The following PDYN variants were observed in gnomAD, a reference collection of about 807,000 sequenced individuals.
PDYN encodes prodynorphin.
A neutral mutation model predicts 11.4 loss-of-function variants in PDYN; 5 were observed. The observed-to-expected ratio is 0.44, with a 90% CI of 0.23 to 0.92. The LOEUF (loss-of-function observed/expected upper bound fraction) is 0.92. Ranked by LOEUF, PDYN falls within the 40% of genes least tolerant of loss-of-function variation. PDYN has a pLI of 0.24. For synonymous variants in PDYN, 132 were observed against 129.5 expected, an observed-to-expected ratio of 1.02 and a Z score of -0.13; for missense variants, 337 against 317.3, an observed-to-expected ratio of 1.06 and a Z score of -0.47.
chr20:1,980,408 C>T lies in PDYN; in HGVS notation c.680G>A (p.Gly227Asp). 1 of 1,614,170 alleles carries T rather than the reference C, an allele frequency of 6.2e-7. No homozygotes were observed. The highest frequency in any genetic ancestry group is 8.5e-7 in the Non-Finnish European group (1 of 1,180,026). Residue 227 changes from glycine (G) to aspartate (D), a missense_variant, in exon 4 of 4, where the codon GGC (glycine) becomes GAC (aspartate). By Grantham distance (94) the Gly-to-Asp change is moderately conservative (BLOSUM62 -1). Transcript: ENST00000217305. The part of the protein sequence containing the change: ...KLKWDNQKRY[G>D]GFLRRQFKVV... ...CTTGAACTGGCGCCGGAGAAAACCG[C>T]CATAGCGCTTCTGGTTGTCCCACTT... is the stretch of plus-strand genomic sequence containing the variant.
chr20:1,980,654 A>G lies in PDYN; in HGVS notation c.434T>C (p.Leu145Pro), dbSNP rs767470477. ...ATCGTTCAGCTGGGCATCCCTCATC[A>G]GCTCAGACTCTGCTCCCTCCCTAAA... ...DGFREGAESE[L>P]MRDAQLNDGA... Residue 145 changes from leucine to proline, a missense_variant, in exon 4 of 4, where the codon CTG becomes CCG. By Grantham distance (98) the Leu-to-Pro change is moderately conservative. Coordinates refer to ENST00000217305, the MANE Select transcript of PDYN (RefSeq NM_024411.5). 1 of 1,614,142 alleles carries G rather than the reference A, an allele frequency of 6.2e-7. No individual in the cohort carries two copies. Among genetic ancestry groups the G allele is most frequent in the South Asian group, 1.1e-5 (1 of 91,078 alleles).
chr20:1,980,237 G>T lies in PDYN; in HGVS notation c.*86C>A, dbSNP rs1383670103. 3 of 1,295,916 alleles carry T rather than the reference G, an allele frequency of 2.3e-6. No individual in the cohort carries two copies. The highest frequency in any genetic ancestry group is 2.3e-5 in the East Asian group (1 of 43,474). 80.3% of individuals were successfully genotyped at this position (1,295,916 alleles called of 1,614,324 possible). ...AATGCTGAGCTGAGCATGGGGAAGGGGCACATATAAGAGGATGAATGAATG... is the reference window on the plus strand; with the variant it reads ...AATGCTGAGCTGAGCATGGGGAAGGTGCACATATAAGAGGATGAATGAATG... On this transcript the variant is annotated 3_prime_UTR_variant, in exon 4 of 4. Transcript: ENST00000217305.
At chr20:1,982,090 C>G (rs915507240) in intron 3 of PDYN, among the ~76,000 whole-genome samples, 3 of 151,580 alleles carry the variant, frequency 2.0e-5, no homozygotes, top group African/African-American at 7.3e-5. Flanking sequence ...AACCCCGTCT[C>G]TACTAAAAAT....
At position 1,983,026 on chromosome 20, in the gene PDYN, G is replaced by T. The variant is rs146598522; in HGVS notation, c.59C>A (p.Ala20Glu). The T allele has an allele frequency of 1.9e-6, 3 of 1,613,940 alleles. No individual in the cohort carries two copies. Among genetic ancestry groups the T allele is most frequent in the African/African-American group, 1.3e-5 (1 of 75,046 alleles). The change falls in exon 3 of 4, where the codon GCG (alanine) becomes GAG (glutamate). Residue 20 changes from alanine to glutamate, a missense_variant. Transcript: ENST00000217305. ...ACLLMFPSTT[A>E]DCLSRCSLCA... is the part of the protein sequence containing the mutation. ...CAAGGAGCACCGCGACAGGCAGTCC[G>T]CTGTGGTGGAGGGGAACATGAGGAG...
chr20:1,980,189 C>A lies in PDYN; in HGVS notation c.*134G>T. On this transcript the variant is annotated 3_prime_UTR_variant, in exon 4 of 4. Transcript: ENST00000217305. ...TACTCCCACGCAGAAGAGAGATAGG[C>A]TGGGCTTGGATATTTTGTACACAAT... The A allele has an allele frequency of 1.1e-6, 1 of 918,224 alleles. No homozygotes were observed. 56.9% of individuals were successfully genotyped at this position (918,224 alleles called of 1,614,324 possible).
intron 2 of PDYN, among the ~76,000 whole-genome samples, chr20:1,989,500 A>G (rs1485951893): frequency 1.3e-5 from 2 of 152,152 alleles, no homozygotes; most frequent in East Asian, 3.9e-4. Context: ...CTTTTCACCC[A>G]GGGCCCAGAG....
chr20:1,986,364 T>G (rs541797896), intron 2 of PDYN, among the ~76,000 whole-genome samples: 43 of 152,174 alleles, frequency 2.8e-4, no homozygotes, highest in Admixed American at 5.2e-4. Flanking sequence ...TCCCTCCAGG[T>G]GGACCCTCCA....
rs764453022 is a variant in PDYN, at chr20:1,980,407, G to A, written c.681C>T (p.Gly227=). The change falls in exon 4 of 4, where the codon GGC becomes GGT. Residue 227 remains glycine, a synonymous_variant. Transcript: ENST00000217305. ...KLKWDNQKRY[G]GFLRRQFKVV... is the part of the protein sequence containing the mutation. ...CCTTGAACTGGCGCCGGAGAAAACC[G>A]CCATAGCGCTTCTGGTTGTCCCACT... 3 of 1,614,090 alleles carry A rather than the reference G, an allele frequency of 1.9e-6. No homozygotes were observed. Among genetic ancestry groups the A allele is most frequent in the Non-Finnish European group, 2.5e-6 (3 of 1,180,022 alleles).
intron 2 of PDYN, among the ~76,000 whole-genome samples, chr20:1,987,745 C>T (rs535830819): frequency 6.6e-4 from 100 of 152,354 alleles, no homozygotes; most frequent in African/African-American, 2.3e-3. Flanking sequence ...CTTAGCTTTA[C>T]TGTGCCTCAG....
chr20:1,989,436 C>T (rs1280203441), intron 2 of PDYN, among the ~76,000 whole-genome samples: 1 of 152,192 alleles, frequency 6.6e-6, no homozygotes, highest in Non-Finnish European at 1.5e-5. Flanking sequence ...TGGGGTGTAT[C>T]ATCTTCCTGC....
rs1987636808 is a variant in PDYN, at chr20:1,980,145, A to G, written c.*178T>C. 2 of 719,628 alleles carry G rather than the reference A, an allele frequency of 2.8e-6. No homozygotes were observed. Among genetic ancestry groups the G allele is most frequent in the Non-Finnish European group, 4.8e-6 (2 of 414,518 alleles). The allele number at this position is 719,628 out of a possible 1,614,324, so 44.6% of individuals were successfully genotyped here. A position where few individuals can be genotyped will look rare whatever the true frequency, so the allele number is the denominator to read the frequency against. ...AGGGACATCCACCCTTCCCCATCAC[A>G]GACCCCAGAGAAATAACATACTCCC... On this transcript the variant is annotated 3_prime_UTR_variant, in exon 4 of 4. Transcript: ENST00000217305.
intron 2 of PDYN, 53 bp downstream of exon 2, chr20:1,992,531 G>A (rs1988494915): frequency 1.3e-5 from 2 of 152,230 alleles, no homozygotes; most frequent in African/African-American, 4.8e-5. Flanking sequence ...GCAAAGCAGT[G>A]GGCTTGAGAT....
chr20:1,987,549 G>A (rs116787819), intron 2 of PDYN, among the ~76,000 whole-genome samples: 1 of 152,178 alleles, frequency 6.6e-6, no homozygotes, highest in African/African-American at 2.4e-5. Context: ...ACAGACAAGT[G>A]AGTCTGCAGC....
intron 2 of PDYN, among the ~76,000 whole-genome samples, chr20:1,987,498 C>T (rs1988241486): frequency 6.6e-6 from 1 of 152,210 alleles, no homozygotes; most frequent in South Asian, 2.1e-4. Flanking sequence ...CCATCGCCAC[C>T]CGCGGAACCA....
At chr20:1,989,306 A>T (rs1988330511) in intron 2 of PDYN, among the ~76,000 whole-genome samples, 1 of 152,116 alleles carries the variant, frequency 6.6e-6, no homozygotes, top group South Asian at 2.1e-4. Flanking sequence ...CCTGGCAAAT[A>T]CTGAGAGGAC....
intron 3 of PDYN, among the ~76,000 whole-genome samples, chr20:1,981,812 G>A (rs1987814140): frequency 1.3e-5 from 2 of 151,958 alleles, no homozygotes; most frequent in Middle Eastern, 3.2e-3. Context: ...TGTAGTCTCA[G>A]CTACTCGGGA....
chr20:1,985,863 C>T (rs1476610040), intron 2 of PDYN, among the ~76,000 whole-genome samples: 1 of 152,174 alleles, frequency 6.6e-6, no homozygotes, highest in Non-Finnish European at 1.5e-5. Flanking sequence ...TCTCTGATAT[C>T]AGTGATGGCT....
At chr20:1,983,797 G>A (rs1987987470) in intron 2 of PDYN, among the ~76,000 whole-genome samples, 1 of 152,162 alleles carries the variant, frequency 6.6e-6, no homozygotes, top group African/African-American at 2.4e-5. Context: ...TGGCCCTTCT[G>A]CCTAAATGTC....
At chr20:1,993,679 G>C (rs1568547226) in intron 1 of PDYN, 1 of 152,270 alleles carries the variant, frequency 6.6e-6, no homozygotes, top group Non-Finnish European at 1.5e-5. Flanking sequence ...TCTTGGGAGA[G>C]AGCTTACCAC....
Sources: gnomAD v4.1 joint callset for allele counts (sites outside exome capture counted in the v4.1 genomes callset) on GRCh38, gnomAD v4.1.1 for gene constraint, MANE v1.5 for transcripts, NCBI Gene and HGNC (gene_info 2026-07-23, HGNC 2026-07-21) for gene names.